SLFN12L: variants seen among roughly 807,000 people sequenced by gnomAD.
SLFN12L encodes schlafen family member 12 like.
Under a neutral mutation model 34.8 loss-of-function variants are expected in SLFN12L, and 34 were observed. The observed-to-expected ratio is 0.98, with a 90% CI of 0.74 to 1.30. SLFN12L has a LOEUF of 1.30. Ranked by LOEUF, SLFN12L falls within the 50% of genes most tolerant of loss-of-function variation. The pLI, the probability that SLFN12L is intolerant of heterozygous loss-of-function variation, is 0.00. For synonymous variants in SLFN12L, 259 were observed against 247.5 expected (o/e 1.05, Z -0.44); for missense variants, 703 against 696.2 (o/e 1.01, Z -0.11).
chr17:35,498,183 G>GTGGGGATCCGGGGCCGCC (rs1915159855), intron 2 of SLFN12L: 12 of 624,790 alleles, frequency 1.9e-5, no homozygotes, highest in South Asian at 1.5e-4. Flanking sequence ...AGGCGGCGGC[G>GTGGGGATCCGGGGCCGCC]TGGGGAGCCG....
intron 1 of SLFN12L, among the ~76,000 whole-genome samples, chr17:35,530,493 A>G (rs966808486): frequency 2.3e-5 from 1 of 43,336 alleles, no homozygotes; most frequent in African/African-American, 6.3e-5. Flanking sequence ...AGAAAGAAAG[A>G]AAGAAAGAAA....
At chr17:35,496,832 G>A (rs547595707) in intron 2 of SLFN12L, among the ~76,000 whole-genome samples, 1 of 152,222 alleles carries the variant, frequency 6.6e-6, no homozygotes, top group African/African-American at 2.4e-5. Flanking sequence ...TGCAGGGAGC[G>A]GGTCACCCAT....
rs949989907 is a variant in SLFN12L, at chr17:35,469,301, T to A, written c.*5622A>T. Among the ~76,000 whole-genome samples the A allele has an allele frequency of 3.6e-5, 5 of 137,050 alleles. No individual in the cohort carries two copies. The highest frequency in any genetic ancestry group is 6.1e-5 in the Non-Finnish European group (4 of 65,666). 89.9% of individuals were successfully genotyped at this position (137,050 alleles called of 152,430 possible). On this transcript the variant is annotated 3_prime_UTR_variant, in exon 5 of 5. Transcript: ENST00000628453. The stretch of plus-strand genomic sequence containing the variant: ...CTGTTTTATATAAAATATATATATA[T>A]AAAATATATATATATTATATATATA...
At position 35,490,182 on chromosome 17, in the gene SLFN12L, C is replaced by G. The variant is rs373816345; in HGVS notation, c.87-9987G>C. On this transcript the variant is annotated intron_variant, in intron 2 of 4. Transcript: ENST00000628453. ...AGCAGAGCCGGGCTGCTGCAGCCAC[C>G]AGCGCTGGGACGAGGCGGCAGTGGC... The G allele has an allele frequency of 5.9e-5, 95 of 1,604,906 alleles. 2 individuals carry two copies. Among genetic ancestry groups the G allele is most frequent in the East Asian group, 4.7e-4 (21 of 44,820 alleles).
Position 35,479,760 on chromosome 17 carries a change from C to A in SLFN12L, c.522G>T (p.Thr174=). The A allele has an allele frequency of 6.2e-7, 1 of 1,614,034 alleles. No individual in the cohort carries two copies. Among genetic ancestry groups the A allele is most frequent in the Non-Finnish European group, 8.5e-7 (1 of 1,179,946 alleles). The change falls in exon 3 of 5, where the codon ACG becomes ACT. Residue 174 remains threonine (T), a synonymous_variant. Coordinates refer to ENST00000628453, the MANE Select transcript of SLFN12L (RefSeq NM_001363830.2). ...LSSSLYKRDV[T]SAKVMNASAA... is the part of the protein sequence containing the mutation. The stretch of plus-strand genomic sequence containing the variant: ...CAGAAGCATTCATGACTTTTGCAGA[C>A]GTTACATCTCTCTTGTACAAACTGG...
At chr17:35,483,064 G>A (rs948319337) in intron 2 of SLFN12L, among the ~76,000 whole-genome samples, 18 of 152,170 alleles carry the variant, frequency 1.2e-4, no homozygotes, top group African/African-American at 4.1e-4. Context: ...TACCCTCTCT[G>A]CTGAGCGCTT....
In SLFN12L at chr17:35,468,751, G is replaced by T. The variant is rs1014055049; in HGVS notation, c.*6172C>A. 2.0e-4 allele frequency among the ~76,000 whole-genome samples: 31 copies of T among 152,274 alleles called. No individual in the cohort carries two copies. Among genetic ancestry groups the T allele is most frequent in the African/African-American group, 7.2e-4 (30 of 41,562 alleles). On this transcript the variant is annotated 3_prime_UTR_variant, in exon 5 of 5. Coordinates refer to ENST00000628453, the MANE Select transcript of SLFN12L (RefSeq NM_001363830.2). ...GAATTAATGGAGGGCCAAGCACAGT[G>T]ACTCATGCCTATAATTCCAGCACTT...
chr17:35,498,948 C>A, intron 2 of SLFN12L: 3 of 718,268 alleles, frequency 4.2e-6, no homozygotes, highest in East Asian at 3.2e-5. Context: ...CTTACAGGAG[C>A]GCATTAAGCA....
At chr17:35,515,659 T>TTTTTTTTG (rs1915801400) in intron 2 of SLFN12L, among the ~76,000 whole-genome samples, 2 of 82,024 alleles carry the variant, frequency 2.4e-5, no homozygotes, top group African/African-American at 4.1e-5. Flanking sequence ...TTTTTTTTTT[T>TTTTTTTTG]GAGATGGAGT....
intron 2 of SLFN12L, chr17:35,514,893 G>T (rs1453323557): frequency 7.3e-6 from 3 of 411,258 alleles, no homozygotes; most frequent in African/African-American, 6.3e-5. Context: ...AGTAACCACT[G>T]TGGCTGTCCA....
At chr17:35,520,997 T>C (rs1296833752) in intron 2 of SLFN12L, among the ~76,000 whole-genome samples, 1 of 152,134 alleles carries the variant, frequency 6.6e-6, no homozygotes, top group African/African-American at 2.4e-5. Context: ...TGTAACACTT[T>C]ATAATAAATA....
At chr17:35,490,311 C>G (rs564439503) in intron 2 of SLFN12L, 247 of 1,451,128 alleles carry the variant, frequency 1.7e-4, no homozygotes, top group Non-Finnish European at 2.0e-4. Flanking sequence ...CTAAGAAGTC[C>G]AGATACTCCA....
At chr17:35,498,682 G>A (rs1915184945) in intron 2 of SLFN12L, 1 of 1,589,160 alleles carries the variant, frequency 6.3e-7, no homozygotes, top group Admixed American at 1.8e-5. Flanking sequence ...TTCAAGCTTC[G>A]AGCATTCCTA....
At chr17:35,523,344 C>A (rs1916053812) in intron 1 of SLFN12L, among the ~76,000 whole-genome samples, 1 of 152,212 alleles carries the variant, frequency 6.6e-6, no homozygotes, top group Admixed American at 6.5e-5. Flanking sequence ...GTGCATGAAT[C>A]TCAAAATGTC....
At chr17:35,498,475 C>T in intron 2 of SLFN12L, 1 of 1,220,074 alleles carries the variant, frequency 8.2e-7, no homozygotes, top group South Asian at 1.2e-5. Context: ...TCTGATTCCC[C>T]GCATAGCCAC....
At chr17:35,528,174 C>T (rs1486602332) in intron 1 of SLFN12L, among the ~76,000 whole-genome samples, 1 of 152,150 alleles carries the variant, frequency 6.6e-6, no homozygotes, top group East Asian at 1.9e-4. Context: ...AGGAGAACTA[C>T]AAACCACTGC....
At chr17:35,481,105 CCCGGACAGGGCTTCTAGAGGGCTG>C in intron 2 of SLFN12L, among the ~76,000 whole-genome samples, 2 of 152,342 alleles carry the variant, frequency 1.3e-5, no homozygotes, top group South Asian at 4.1e-4. Flanking sequence ...CTTTGTTACG[CCCGGACAGGGCTTCTAGAGGGCTG>C]CCTGGCCTAG....
intron 1 of SLFN12L, among the ~76,000 whole-genome samples, chr17:35,524,560 C>T (rs2072315664): frequency 1.3e-5 from 2 of 152,252 alleles, no homozygotes; most frequent in Non-Finnish European, 2.9e-5. Flanking sequence ...CTGCAGCCCA[C>T]ACTGGTGATA....
In SLFN12L at chr17:35,530,518, AAAAGAAAAGAAAAGAAAAGAAAAG is replaced by A. The variant is rs1420830517; in HGVS notation, c.-606+7031_-606+7054del. Among the ~76,000 whole-genome samples the A allele has an allele frequency of 1.7e-3, 60 of 34,972 alleles. 1 individual carries two copies. Among genetic ancestry groups the A allele is most frequent in the African/African-American group, 5.0e-3 (59 of 11,736 alleles). The allele number at this position is 34,972 out of a possible 152,430, so 22.9% of individuals were successfully genotyped here. On this transcript the variant is annotated intron_variant, in intron 1 of 4. Coordinates refer to ENST00000628453, the MANE Select transcript of SLFN12L (RefSeq NM_001363830.2). ...AAAGAAAGAAAGAAAGAAAGAAAAG[AAAAGAAAAGAAAAGAAAAGAAAAG>A]AAAGAAAGAAAGAAAGAGAAAGGGA...
Sources: allele counts gnomAD v4.1 joint callset (sites outside exome capture counted in the v4.1 genomes callset), GRCh38; gene constraint gnomAD v4.1.1; transcripts MANE v1.5; gene names NCBI Gene and HGNC (gene_info 2026-07-23, HGNC 2026-07-21).